The following CCKBR variants were observed in gnomAD, a reference collection of about 807,000 sequenced individuals.
CCKBR encodes the protein cholecystokinin B receptor, also known as gastrin/cholecystokinin type B receptor.
Under a neutral mutation model 34.6 loss-of-function variants are expected in CCKBR, and 33 were observed. The ratio of observed to expected loss-of-function variants is 0.95; its 90% CI spans 0.72 to 1.27. CCKBR has a LOEUF of 1.27. CCKBR is among the 50% of genes most tolerant of loss of function. The probability of loss-of-function intolerance (pLI) is 0.00; values close to 1 mark genes in which losing one functional copy is unlikely to be tolerated. For missense variants in CCKBR, 652 were observed against 617.4 expected, an observed-to-expected ratio of 1.06 and a Z score of -0.59; for synonymous variants, 269 against 267.5, an observed-to-expected ratio of 1.01 and a Z score of -0.06.
At position 6,271,800 on chromosome 11, in the gene CCKBR, T is replaced by A; in HGVS notation, c.*257T>A. 1 of 468,772 alleles carries A rather than the reference T, an allele frequency of 2.1e-6. No homozygotes were observed. The highest frequency in any genetic ancestry group is 4.3e-5 in the South Asian group (1 of 23,036). 29.0% of individuals were successfully genotyped at this position (468,772 alleles called of 1,614,324 possible). ...ACACTGACCTTGGAGAGACACAGCG[T>A]CCCTAGCAGTGAACTATTTCTACAC... On this transcript the variant is annotated 3_prime_UTR_variant, in exon 5 of 5. Transcript: ENST00000334619.
chr11:6,261,462 T>TATATATATATATATAC (rs764173521), intron 1 of CCKBR, among the ~76,000 whole-genome samples: 1 of 64,016 alleles, frequency 1.6e-5, no homozygotes, highest in African/African-American at 6.0e-5. Context: ...AAAATATATA[T>TATATATATATATATAC]ACACACACAC....
intron 1 of CCKBR, among the ~76,000 whole-genome samples, chr11:6,262,476 A>G (rs925246701): frequency 6.6e-6 from 1 of 152,158 alleles, no homozygotes; most frequent in Non-Finnish European, 1.5e-5. Context: ...GGGGTAAGTG[A>G]TATCAAATGC....
At position 6,261,462 on chromosome 11, in the gene CCKBR, T is replaced by TATATATAC. The variant is rs764173521; in HGVS notation, c.151+1384_151+1385insTATATACA. The stretch of plus-strand genomic sequence containing the variant: ...AAAAAAAAAAAAAAAAAAATATATA[T>TATATATAC]ACACACACACACACACACACACACA... On this transcript the variant is annotated intron_variant, in intron 1 of 4. Coordinates refer to ENST00000334619, the MANE Select transcript of CCKBR (RefSeq NM_176875.4). 7.2e-3 allele frequency among the ~76,000 whole-genome samples: 462 copies of TATATATAC among 63,906 alleles called. 4 individuals carry two copies. Among genetic ancestry groups the TATATATAC allele is most frequent in the Non-Finnish European group, 8.6e-3 (302 of 35,092 alleles). 41.9% of individuals were successfully genotyped at this position (63,906 alleles called of 152,430 possible).
intron 1 of CCKBR, among the ~76,000 whole-genome samples, chr11:6,267,044 G>A (rs989054348): frequency 3.9e-5 from 6 of 152,184 alleles, no homozygotes; most frequent in African/African-American, 1.4e-4. Context: ...CCTGTATAGG[G>A]CACGTACCGT....
intron 1 of CCKBR, among the ~76,000 whole-genome samples, chr11:6,268,932 G>A (rs1564887386): frequency 6.6e-6 from 1 of 152,128 alleles, no homozygotes; most frequent in African/African-American, 2.4e-5. Flanking sequence ...AGGGGTAGAA[G>A]TTGTGAGGAG....
At chr11:6,266,755 C>T (rs1310675234) in intron 1 of CCKBR, among the ~76,000 whole-genome samples, 1 of 152,164 alleles carries the variant, frequency 6.6e-6, no homozygotes. Context: ...AAAATACAGT[C>T]ATGCATTAAC....
At chr11:6,270,378 C>T (rs771493018) in intron 3 of CCKBR, 41 bp downstream of exon 3, 10 of 1,588,774 alleles carry the variant, frequency 6.3e-6, no homozygotes, top group Non-Finnish European at 8.6e-6. Context: ...TCCTTTCTCA[C>T]CCCTATTAGA....
At chr11:6,267,361 A>G (rs1848224699) in intron 1 of CCKBR, among the ~76,000 whole-genome samples, 1 of 152,138 alleles carries the variant, frequency 6.6e-6, no homozygotes, top group Admixed American at 6.5e-5. Flanking sequence ...CTTTAGAAAA[A>G]AAAAAAACCT....
intron 1 of CCKBR, among the ~76,000 whole-genome samples, chr11:6,262,711 AG>A (rs1564885179): frequency 1.4e-4 from 21 of 148,524 alleles, no homozygotes; most frequent in Non-Finnish European, 1.5e-4. Context: ...AGAGAGAGAG[AG>A]AGAGAGAGAG....
chr11:6,262,271 C>T (rs777639711), intron 1 of CCKBR, among the ~76,000 whole-genome samples: 10 of 151,530 alleles, frequency 6.6e-5, no homozygotes, highest in East Asian at 1.9e-4. Flanking sequence ...GTAGAAGCCC[C>T]GAGAATAGTT....
rs1848252017 is a variant in CCKBR at position 6,269,146 on chromosome 11, AAGTATT to A, written c.152-522_152-517del. Among the ~76,000 whole-genome samples the A allele has an allele frequency of 9.9e-4, 142 of 143,154 alleles. No homozygotes were observed. The East Asian group carries it at 0.012, about 12-fold the overall frequency. The allele number at this position is 143,154 out of a possible 152,430, so 93.9% of individuals were successfully genotyped here. A position where few individuals can be genotyped will look rare whatever the true frequency, so the allele number is the denominator to read the frequency against. On this transcript the variant is annotated intron_variant, in intron 1 of 4. Coordinates refer to ENST00000334619, the MANE Select transcript of CCKBR (RefSeq NM_176875.4). ...GGTTGCAGACAGTAGAGAGTAAGTGAAGTATTTTTTTTTTTTTTTTTTTTGCTTTTG... is the reference window on the plus strand; with the variant it reads ...GGTTGCAGACAGTAGAGAGTAAGTGATTTTTTTTTTTTTTTTTTGCTTTTG...
chr11:6,259,978 CG>C lies in CCKBR; in HGVS notation c.55del (p.Ala19LeufsTer45). On this transcript the variant is annotated frameshift_variant, in exon 1 of 5. Transcript: ENST00000334619. LOFTEE classifies it high-confidence loss of function. Reference sequence around the variant, plus strand: ...AGCGTGCAGGGAACCGGACCCGGGCCGGGGGCTTCCCTGTGCCGCCCGGGGG... The same window carrying C: ...AGCGTGCAGGGAACCGGACCCGGGCCGGGGCTTCCCTGTGCCGCCCGGGGG... ...NRSVQGTGPG[P>X]GASLCRPGAP... The C allele has an allele frequency of 6.4e-7, 1 of 1,562,780 alleles. No individual in the cohort carries two copies.
chr11:6,260,249 C>G (rs78337258), intron 1 of CCKBR, among the ~76,000 whole-genome samples, 170 bp downstream of exon 1: 1 of 151,902 alleles, frequency 6.6e-6, no homozygotes, highest in Non-Finnish European at 1.5e-5. Context: ...CCCCCACAGC[C>G]TACAACTTCA....
intron 1 of CCKBR, among the ~76,000 whole-genome samples, chr11:6,267,145 C>A (rs1324213756): frequency 1.3e-5 from 2 of 152,104 alleles, no homozygotes; most frequent in African/African-American, 4.8e-5. Context: ...CTGTACACTA[C>A]TGTAGACTTT....
intron 1 of CCKBR, chr11:6,264,737 A>ACACACACACACACG (rs6144195): frequency 0.15 from 75,535 of 507,334 alleles, 3,132 homozygotes; most frequent in Middle Eastern, 0.22. Flanking sequence ...ACACACACAC[A>ACACACACACACACG]CACACACGCA....
At position 6,269,819 on chromosome 11, in the gene CCKBR, T is replaced by C. The variant is rs1411590493; in HGVS notation, c.302T>C (p.Leu101Pro). 6.2e-7 allele frequency: 1 copy of C among 1,614,148 alleles called. No individual in the cohort carries two copies. Among genetic ancestry groups the C allele is most frequent in the African/African-American group, 1.3e-5 (1 of 75,046 alleles). ...AFLLSLAVSD[L>P]LLAVACMPFT... Reference sequence around the variant, plus strand: ...CTCCTCTCACTGGCAGTCAGCGACCTCCTGCTGGCTGTGGCTTGCATGCCC... The same window carrying C: ...CTCCTCTCACTGGCAGTCAGCGACCCCCTGCTGGCTGTGGCTTGCATGCCC... The change falls in exon 2 of 5, where the codon CTC (leucine) becomes CCC (proline). Residue 101 changes from leucine to proline, a missense_variant. Transcript: ENST00000334619.
chr11:6,259,847 C>G lies in CCKBR; in HGVS notation c.-82C>G, dbSNP rs200835594. On this transcript the variant is annotated 5_prime_UTR_variant, in exon 1 of 5. Transcript: ENST00000334619. ...AGAGGAGGGCGGCGGGAGCCTGAGC[C>G]GGAATCGCAGCGTGAGCAGGTGGAG... 149 of 1,205,846 alleles carry G rather than the reference C, an allele frequency of 1.2e-4. No individual in the cohort carries two copies. The highest frequency in any genetic ancestry group is 1.6e-4 in the Non-Finnish European group (145 of 916,160). 74.7% of individuals were successfully genotyped at this position (1,205,846 alleles called of 1,614,324 possible).
intron 1 of CCKBR, chr11:6,264,510 G>A: frequency 1.4e-6 from 1 of 699,548 alleles, no homozygotes. Flanking sequence ...ACCAGGAGAA[G>A]AACTGAACTG....
rs1335403469 is a variant in CCKBR at position 6,270,205 on chromosome 11, T to C, written c.521T>C (p.Val174Ala). Reference protein sequence around the residue: ...VWQTRSHAARVIVATWLLSGL... With the variant: ...VWQTRSHAARAIVATWLLSGL... ...CAGACGCGCTCCCACGCGGCTCGCG[T>C]GATTGTAGCCACGTGGCTGCTGTCC... Residue 174 changes from valine (V) to alanine (A), a missense_variant, in exon 3 of 5, where the codon GTG becomes GCG. Val to Ala is a moderately conservative substitution (Grantham distance 64, BLOSUM62 0). Transcript: ENST00000334619. 1 of 1,613,444 alleles carries C rather than the reference T, an allele frequency of 6.2e-7. No homozygotes were observed.
Sources: gnomAD v4.1 joint callset for allele counts (sites outside exome capture counted in the v4.1 genomes callset) on GRCh38, gnomAD v4.1.1 for gene constraint, MANE v1.5 for transcripts, NCBI Gene and HGNC (gene_info 2026-07-23, HGNC 2026-07-21) for gene names.